ROBO1: variants seen among roughly 807,000 people sequenced by gnomAD.
ROBO1 encodes the protein roundabout homolog 1.
ROBO1 carries 149 observed loss-of-function variants against 195.9 expected under a neutral mutation model. The observed-to-expected ratio is 0.76, with a 90% CI of 0.67 to 0.87. The LOEUF (loss-of-function observed/expected upper bound fraction) is 0.87. Ranked by LOEUF, ROBO1 falls within the 40% of genes least tolerant of loss-of-function variation. The pLI is 0.00. For missense variants in ROBO1, 1,933 were observed against 2,068.3 expected (o/e 0.93, Z 1.27); for synonymous variants, 816 against 733.2 (o/e 1.11, Z -1.82).
chr3:79,735,870 C>CAA (rs1220855864), intron 1 of ROBO1, among the ~76,000 whole-genome samples: 67 of 70,612 alleles, frequency 9.5e-4, no homozygotes, highest in African/African-American at 3.8e-3. Flanking sequence ...GACTCCGTCT[C>CAA]AAAAAAAAAA....
At chr3:79,736,894 A>G (rs978057915) in intron 1 of ROBO1, among the ~76,000 whole-genome samples, 17 of 152,316 alleles carry the variant, frequency 1.1e-4, no homozygotes, top group Non-Finnish European at 8.8e-5. Context: ...TAATTTGGAG[A>G]GTTGTATAAG....
At chr3:79,405,860 T>A (rs1321360422) in intron 2 of ROBO1, among the ~76,000 whole-genome samples, 1 of 152,142 alleles carries the variant, frequency 6.6e-6, no homozygotes, top group Non-Finnish European at 1.5e-5. Context: ...AAAAAATGTA[T>A]AAGCCAATAA....
rs3773222 is a variant in ROBO1, at chr3:78,664,288, T to C, written c.1967-2174A>G. On this transcript the variant is annotated intron_variant, in intron 14 of 30. Transcript: ENST00000464233. ...TGTTTCCCCCAACGTTAAAACTTCGTATACACAACCTCAGAGGGGAGCCTA... is the reference window on the plus strand; with the variant it reads ...TGTTTCCCCCAACGTTAAAACTTCGCATACACAACCTCAGAGGGGAGCCTA... 5.1e-4 allele frequency among the ~76,000 whole-genome samples: 77 copies of C among 152,324 alleles called. 1 individual carries two copies. The East Asian group carries it at 0.012, about 24-fold the overall frequency.
At chr3:79,357,907 A>G (rs2109293461) in intron 2 of ROBO1, among the ~76,000 whole-genome samples, 1 of 152,280 alleles carries the variant, frequency 6.6e-6, no homozygotes. Flanking sequence ...GATTAGTGGA[A>G]ACAAGAAATA....
chr3:78,839,285 A>G (rs1053289119), intron 4 of ROBO1, among the ~76,000 whole-genome samples: 1 of 152,108 alleles, frequency 6.6e-6, no homozygotes, highest in Non-Finnish European at 1.5e-5. Flanking sequence ...ATTACATATA[A>G]TGATGTATCC....
intron 2 of ROBO1, among the ~76,000 whole-genome samples, chr3:79,430,918 A>C (rs2038651425): frequency 6.6e-6 from 1 of 152,094 alleles, no homozygotes; most frequent in South Asian, 2.1e-4. Context: ...GACTGGACCA[A>C]ATTTTTATTG....
chr3:79,537,242 G>C (rs9815393), intron 2 of ROBO1, among the ~76,000 whole-genome samples: 86,856 of 151,866 alleles, frequency 0.57, 24,966 homozygotes, highest in Non-Finnish European at 0.6. Flanking sequence ...AGGGGAAGAA[G>C]GTTGTCTTGG....
At chr3:79,714,938 T>C (rs1702423565) in intron 1 of ROBO1, among the ~76,000 whole-genome samples, 1 of 151,600 alleles carries the variant, frequency 6.6e-6, no homozygotes, top group Non-Finnish European at 1.5e-5. Flanking sequence ...ACATGGCACA[T>C]GTATACATAT....
chr3:78,651,984 G>C, intron 18 of ROBO1, 55 bp from the exon 19 acceptor site: 1 of 1,330,642 alleles, frequency 7.5e-7, no homozygotes, highest in Non-Finnish European at 1.0e-6. Flanking sequence ...AATAATGCAC[G>C]CACTCATTTG....
chr3:79,760,853 T>C (rs13325743), intron 1 of ROBO1, among the ~76,000 whole-genome samples: 46,303 of 141,428 alleles, frequency 0.33, 7,429 homozygotes, highest in East Asian at 0.41. Context: ...GGTACTGTTA[T>C]GGGTTTGGGG....
Position 79,653,729 on chromosome 3 carries a change from A to G in ROBO1, c.-50-63768T>C, listed in dbSNP as rs940187328. On this transcript the variant is annotated intron_variant, in intron 1 of 30. Coordinates refer to ENST00000464233, the MANE Select transcript of ROBO1 (RefSeq NM_002941.4). ...AGTTCCTAGGGAAAGAGGTTGTTCA[A>G]TAATGTCAGATGAATCCCTTGAGTC... 2.6e-5 allele frequency among the ~76,000 whole-genome samples: 4 copies of G among 151,802 alleles called. No homozygotes were observed. The East Asian group carries it at 7.8e-4, about 30-fold the overall frequency.
chr3:79,593,050 A>C (rs995436192), intron 1 of ROBO1, among the ~76,000 whole-genome samples: 5 of 152,000 alleles, frequency 3.3e-5, no homozygotes, highest in African/African-American at 9.7e-5. Context: ...TATAAATTTA[A>C]GTTTCCTCCA....
chr3:79,072,624 T>C (rs1448217048), intron 3 of ROBO1, among the ~76,000 whole-genome samples: 1 of 151,938 alleles, frequency 6.6e-6, no homozygotes, highest in Non-Finnish European at 1.5e-5. Context: ...AGGATGTGGA[T>C]TTGGAACATT....
intron 1 of ROBO1, among the ~76,000 whole-genome samples, chr3:79,730,549 C>A (rs1342648016): frequency 5.3e-5 from 8 of 152,074 alleles, no homozygotes; most frequent in Admixed American, 4.6e-4. Flanking sequence ...AAAAATTTAA[C>A]CCAAAATGAA....
intron 2 of ROBO1, among the ~76,000 whole-genome samples, chr3:79,482,511 C>T (rs918962079): frequency 6.6e-6 from 1 of 152,160 alleles, no homozygotes; most frequent in Non-Finnish European, 1.5e-5. Flanking sequence ...ATCATTTACT[C>T]TTCTGCCATG....
At chr3:78,836,365 A>C (rs1378097235) in intron 4 of ROBO1, among the ~76,000 whole-genome samples, 1 of 151,946 alleles carries the variant, frequency 6.6e-6, no homozygotes, top group East Asian at 2.0e-4. Context: ...ACAAAACATT[A>C]GCGGGGTGTG....
At chr3:79,583,793 T>C (rs561807424) in intron 2 of ROBO1, among the ~76,000 whole-genome samples, 49 of 152,134 alleles carry the variant, frequency 3.2e-4, no homozygotes, top group African/African-American at 1.2e-3. Context: ...ACTATGCAAG[T>C]AATTTTAACA....
At chr3:79,177,438 G>C (rs540613515) in intron 2 of ROBO1, among the ~76,000 whole-genome samples, 7 of 152,186 alleles carry the variant, frequency 4.6e-5, no homozygotes, top group Non-Finnish European at 8.8e-5. Context: ...CAAGGGGCTA[G>C]GGATATATAG....
At chr3:79,103,516 T>A (rs1180400922) in intron 3 of ROBO1, among the ~76,000 whole-genome samples, 2 of 151,746 alleles carry the variant, frequency 1.3e-5, no homozygotes, top group Non-Finnish European at 2.9e-5. Flanking sequence ...GTAAGCAGTT[T>A]ACAAGAGCAA....
Sources: allele counts gnomAD v4.1 joint callset (sites outside exome capture counted in the v4.1 genomes callset), GRCh38; gene constraint gnomAD v4.1.1; transcripts MANE v1.5; gene names NCBI Gene and HGNC (gene_info 2026-07-23, HGNC 2026-07-21).